Variants in PTPN5 observed in about 807,000 individuals in gnomAD.
The protein encoded by PTPN5 is tyrosine-protein phosphatase non-receptor type 5.
In PTPN5, 29 loss-of-function variants were observed where a neutral mutation model predicts 73.9. The ratio of observed to expected loss-of-function variants is 0.39; its 90% confidence interval spans 0.29 to 0.54. PTPN5 has a LOEUF of 0.54. Ranked by LOEUF, PTPN5 falls within the 20% of genes least tolerant of loss-of-function variation. PTPN5 has a pLI of 0.65. For missense variants in PTPN5, 652 were observed against 751.4 expected (o/e 0.87, Z 1.55); for synonymous variants, 267 against 304.7 (o/e 0.88, Z 1.29).
chr11:18,733,407 A>T lies in PTPN5; in HGVS notation c.1081-35T>A, dbSNP rs1848979798. On this transcript the variant is annotated intron_variant, in intron 10 of 14. Coordinates refer to ENST00000358540, the MANE Select transcript of PTPN5 (RefSeq NM_006906.2). This position sits in a 1 kb window ranked among gnomAD's most constrained non-coding sequence, Gnocchi z 4.3. ...GCCAAGTCCAGGCTGTCAGGGTCAG[A>T]GGCAGTGCTCCCAGGACCCCATCCC... 3.1e-6 allele frequency: 5 copies of T among 1,610,780 alleles called. No homozygotes were observed. The South Asian group carries it at 5.5e-5, about 18-fold the overall frequency.
chr11:18,785,187 C>T (rs1048997301), intron 1 of PTPN5, among the ~76,000 whole-genome samples: 5 of 152,122 alleles, frequency 3.3e-5, no homozygotes, highest in Admixed American at 1.3e-4. Context: ...GCCAGGGCCA[C>T]GACATGTTCT....
At chr11:18,778,575 T>C (rs1025910547) in intron 1 of PTPN5, among the ~76,000 whole-genome samples, 3 of 152,164 alleles carry the variant, frequency 2.0e-5, no homozygotes, top group Non-Finnish European at 2.9e-5. Flanking sequence ...GATCTGGTCT[T>C]TTGAAAGCAT....
At chr11:18,768,210 G>A (rs1850723130) in intron 2 of PTPN5, among the ~76,000 whole-genome samples, 1 of 152,244 alleles carries the variant, frequency 6.6e-6, no homozygotes, top group Non-Finnish European at 1.5e-5. Flanking sequence ...CTGCTTTGTG[G>A]ACGGGTCTTT....
chr11:18,748,832 T>A (rs977721422), intron 3 of PTPN5, among the ~76,000 whole-genome samples: 1 of 152,102 alleles, frequency 6.6e-6, no homozygotes, highest in African/African-American at 2.4e-5. Flanking sequence ...AGAAAAGTAT[T>A]TACTGGGGGC....
At chr11:18,755,264 C>T (rs565617523) in intron 3 of PTPN5, among the ~76,000 whole-genome samples, 1 of 152,258 alleles carries the variant, frequency 6.6e-6, no homozygotes, top group African/African-American at 2.4e-5. Context: ...CAGCCACAGT[C>T]GAGTTTGGGG....
At chr11:18,757,902 C>G (rs1850226707) in intron 3 of PTPN5, among the ~76,000 whole-genome samples, 1 of 152,142 alleles carries the variant, frequency 6.6e-6, no homozygotes, top group African/African-American at 2.4e-5. Flanking sequence ...CATATACAGC[C>G]TTACAAATGT....
intron 4 of PTPN5, 191 bp from the exon 5 acceptor site, chr11:18,743,620 A>G (rs1348096452): frequency 9.9e-6 from 6 of 604,132 alleles, no homozygotes; most frequent in East Asian, 2.8e-5. Flanking sequence ...CCTTGGAGAA[A>G]AGCTGACTGA....
At chr11:18,760,466 A>T (rs189889219) in intron 3 of PTPN5, among the ~76,000 whole-genome samples, 15 of 152,200 alleles carry the variant, frequency 9.9e-5, no homozygotes, top group African/African-American at 3.6e-4. Flanking sequence ...AATACCCACA[A>T]TGATACAGAG....
At chr11:18,746,316 G>A (rs1039632892) in intron 3 of PTPN5, among the ~76,000 whole-genome samples, 3 of 150,710 alleles carry the variant, frequency 2.0e-5, no homozygotes, top group Admixed American at 6.6e-5. Context: ...CTCAGCCTCC[G>A]GAGTAGCTGG....
At chr11:18,771,019 A>G (rs779413250) in intron 2 of PTPN5, among the ~76,000 whole-genome samples, 18 of 152,134 alleles carry the variant, frequency 1.2e-4, no homozygotes, top group Non-Finnish European at 2.2e-4. Flanking sequence ...ACTTATGCAG[A>G]GAAAGAGCTG....
chr11:18,741,769 C>T (rs982689038), intron 7 of PTPN5, among the ~76,000 whole-genome samples: 2 of 152,140 alleles, frequency 1.3e-5, no homozygotes, highest in Admixed American at 6.5e-5. Flanking sequence ...CTGGGCACTA[C>T]GCTCAGTACC....
At chr11:18,749,968 G>A (rs746353399) in intron 3 of PTPN5, among the ~76,000 whole-genome samples, 3 of 152,174 alleles carry the variant, frequency 2.0e-5, no homozygotes, top group South Asian at 4.1e-4. Context: ...GTCACAGGGA[G>A]CCCTACCCAA....
chr11:18,761,426 A>G (rs1850385970), intron 3 of PTPN5, among the ~76,000 whole-genome samples: 1 of 152,172 alleles, frequency 6.6e-6, no homozygotes, highest in Admixed American at 6.5e-5. Context: ...CTACACATAG[A>G]AGAAGAGAGA....
At chr11:18,773,572 T>C (rs911344585) in intron 1 of PTPN5, among the ~76,000 whole-genome samples, 1 of 152,234 alleles carries the variant, frequency 6.6e-6, no homozygotes, top group East Asian at 1.9e-4. Context: ...CCTTGAAACA[T>C]CCCTGGCATG....
chr11:18,739,526 G>C (rs1204619225), intron 8 of PTPN5, among the ~76,000 whole-genome samples: 1 of 152,188 alleles, frequency 6.6e-6, no homozygotes, highest in Non-Finnish European at 1.5e-5. Context: ...CGAGGTAAGG[G>C]GTGCTGATGG....
chr11:18,745,289 G>A (rs574309160), intron 3 of PTPN5, among the ~76,000 whole-genome samples: 1 of 152,268 alleles, frequency 6.6e-6, no homozygotes, highest in East Asian at 1.9e-4. Flanking sequence ...AGAACCATGT[G>A]GGCCCAGCAT....
intron 3 of PTPN5, among the ~76,000 whole-genome samples, chr11:18,755,783 A>G (rs1850103665): frequency 6.6e-6 from 1 of 152,106 alleles, no homozygotes; most frequent in African/African-American, 2.4e-5. Flanking sequence ...AGGCGGGCAG[A>G]TCACAAGGTC....
intron 3 of PTPN5, among the ~76,000 whole-genome samples, chr11:18,747,403 G>A (rs1468059648): frequency 6.6e-6 from 1 of 151,834 alleles, no homozygotes; most frequent in Non-Finnish European, 1.5e-5. Flanking sequence ...TGCCTGCCTT[G>A]GCCTCCCAAA....
Position 18,774,978 on chromosome 11 carries a change from G to C in PTPN5, c.-113-2907C>G, listed in dbSNP as rs193285204. ...CCGACCGAAGAGGATAACAATGACA[G>C]TATCTTCACAACAGAAAGGGCAGCT... On this transcript the variant is annotated intron_variant, in intron 1 of 14. Coordinates refer to ENST00000358540, the MANE Select transcript of PTPN5 (RefSeq NM_006906.2). 2.0e-5 allele frequency among the ~76,000 whole-genome samples: 3 copies of C among 152,318 alleles called. No homozygotes were observed. The East Asian group carries it at 5.8e-4, about 29-fold the overall frequency.
Sources: gnomAD v4.1 joint callset for allele counts (sites outside exome capture counted in the v4.1 genomes callset) on GRCh38, gnomAD v4.1.1 for gene constraint, Gnocchi (gnomAD v3.1) non-coding constraint, MANE v1.5 for transcripts, NCBI Gene and HGNC (gene_info 2026-07-23, HGNC 2026-07-21) for gene names.